SGK2: variants seen among roughly 807,000 people sequenced by gnomAD.
The protein encoded by SGK2 is serine/threonine-protein kinase Sgk2.
SGK2 carries 36 observed loss-of-function variants against 47.5 expected under a neutral mutation model. The ratio of observed to expected loss-of-function variants is 0.76; its 90% CI spans 0.58 to 1.00. The LOEUF is 1.00. Among genes scored for constraint, SGK2 ranks in the 50% least tolerant of loss-of-function variants. The pLI is 0.00. For missense variants in SGK2, 404 were observed against 467.4 expected (o/e 0.86, Z 1.25); for synonymous variants, 157 against 181.9 (o/e 0.86, Z 1.10).
At chr20:43,582,217 A>G (rs2145560747) in intron 12 of SGK2, among the ~76,000 whole-genome samples, 1 of 150,996 alleles carries the variant, frequency 6.6e-6, no homozygotes, top group African/African-American at 2.4e-5. Context: ...GTGCCACCAC[A>G]CCTAGCTAAT....
chr20:43,564,550 AACAC>A (rs1193332549), intron 1 of SGK2, among the ~76,000 whole-genome samples: 1 of 152,170 alleles, frequency 6.6e-6, no homozygotes. Flanking sequence ...CACCACTATG[AACAC>A]ACACAATGAC....
At chr20:43,584,716 G>A in intron 12 of SGK2, 136 bp from the exon 13 acceptor site, 1 of 690,690 alleles carries the variant, frequency 1.4e-6, no homozygotes, top group Non-Finnish European at 2.5e-6. Context: ...AAATGCACAG[G>A]AAAGTGACAG....
rs1182354812 is a variant in SGK2, at chr20:43,572,046, C to T, written c.511-5C>T. 3.9e-6 allele frequency: 6 copies of T among 1,547,136 alleles called. No individual in the cohort carries two copies. The highest frequency in any genetic ancestry group is 5.2e-6 in the Non-Finnish European group (6 of 1,144,738). On this transcript the variant is annotated splice_polypyrimidine_tract_variant and splice_region_variant and intron_variant, in intron 8 of 12. Transcript: ENST00000373100. The surrounding 1 kb of genome is among the most constrained non-coding windows in gnomAD (Gnocchi z 4.2). ...CCTCCAGCCCATGCCCTCCGTCATT[C>T]TCAGGGACACGTGGTGCTGACGGAT...
intron 11 of SGK2, among the ~76,000 whole-genome samples, chr20:43,578,536 C>T (rs1352193071): frequency 6.6e-6 from 1 of 152,134 alleles, no homozygotes; most frequent in African/African-American, 2.4e-5. Context: ...CTGGGTTCAG[C>T]AGATCCCTCC....
At chr20:43,576,812 G>T (rs888998216) in intron 11 of SGK2, among the ~76,000 whole-genome samples, 2 of 152,192 alleles carry the variant, frequency 1.3e-5, no homozygotes, top group African/African-American at 4.8e-5. Flanking sequence ...CATGGTGTTG[G>T]GCACCTGTAA....
intron 11 of SGK2, among the ~76,000 whole-genome samples, chr20:43,577,594 C>T (rs1401087558): frequency 6.6e-6 from 1 of 150,710 alleles, no homozygotes; most frequent in Non-Finnish European, 1.5e-5. Flanking sequence ...TGTGATCCGC[C>T]CACCTTGGCC....
In SGK2 at chr20:43,568,977, G is replaced by A. The variant is rs73272176; in HGVS notation, c.229-408G>A. 8.8e-3 allele frequency among the ~76,000 whole-genome samples: 1,334 copies of A among 152,248 alleles called. 24 individuals carry two copies. The highest frequency in any genetic ancestry group is 0.03 in the African/African-American group (1,260 of 41,532). ...AGCGGTGCAGCTGGCCTTGATGGTG[G>A]GATTCTGATGGTCTGAAAAGAGGGT... On this transcript the variant is annotated intron_variant, in intron 5 of 12. Coordinates refer to ENST00000373100, the MANE Select transcript of SGK2 (RefSeq NM_170693.3).
At chr20:43,569,210 G>C (rs1450906942) in intron 5 of SGK2, among the ~76,000 whole-genome samples, 175 bp from the exon 6 acceptor site, 1 of 152,106 alleles carries the variant, frequency 6.6e-6, no homozygotes, top group Non-Finnish European at 1.5e-5. Flanking sequence ...GAATACTAAG[G>C]AAGGAACTTG....
chr20:43,575,005 G>A lies in SGK2; in HGVS notation c.693+1G>A, dbSNP rs752520347. ...CCTCTACGAGATGCTCCATGGCCTG[G>A]TGAGTCAGGGGTAGCCATCTACAAG... On this transcript the variant is annotated splice_donor_variant, in intron 10 of 12. Coordinates refer to ENST00000373100, the MANE Select transcript of SGK2 (RefSeq NM_170693.3). LOFTEE classifies it high-confidence loss of function. 5.6e-6 allele frequency: 9 copies of A among 1,610,374 alleles called. No homozygotes were observed. Among genetic ancestry groups the A allele is most frequent in the Non-Finnish European group, 7.6e-6 (9 of 1,176,894 alleles).
rs117254857 is a variant in SGK2, at chr20:43,568,253, T to C, written c.228+254T>C. Among the ~76,000 whole-genome samples, 244 of 152,312 alleles carry C rather than the reference T, an allele frequency of 1.6e-3. 3 individuals carry two copies. In the East Asian group the frequency reaches 0.036, roughly 22 times the overall value. ...CCCCTGGGAAACACAGGCTCCACGA[T>C]GGACAAGTCTTCTGCCTGCTCCAAG... On this transcript the variant is annotated intron_variant, in intron 5 of 12. Transcript: ENST00000373100.
At chr20:43,566,238 C>G (rs1979699187) in intron 1 of SGK2, 1 of 1,180,210 alleles carries the variant, frequency 8.5e-7, no homozygotes, top group Non-Finnish European at 1.2e-6. Flanking sequence ...GGGCCACACC[C>G]TGACCATCCC....
At chr20:43,570,947 AC>A (rs1980072818) in intron 7 of SGK2, 76 bp from the exon 8 acceptor site, 3 of 1,605,948 alleles carry the variant, frequency 1.9e-6, no homozygotes, top group Non-Finnish European at 1.7e-6. Context: ...TGCCAGGACC[AC>A]CCCCCGCCCA....
intron 9 of SGK2, 78 bp from the exon 10 acceptor site, chr20:43,574,831 C>T: frequency 9.8e-7 from 1 of 1,016,118 alleles, no homozygotes; most frequent in South Asian, 1.3e-5. Context: ...TGGTCATCTT[C>T]CTCCAAGTGC....
At chr20:43,568,145 G>A (rs927203934) in intron 5 of SGK2, 146 bp downstream of exon 5, 11 of 635,804 alleles carry the variant, frequency 1.7e-5, no homozygotes, top group East Asian at 2.8e-5. Flanking sequence ...GAGGTGGTAC[G>A]CAGGATGCTG....
intron 1 of SGK2, among the ~76,000 whole-genome samples, chr20:43,564,540 C>A (rs1448202484): frequency 6.6e-6 from 1 of 152,174 alleles, no homozygotes; most frequent in Non-Finnish European, 1.5e-5. Context: ...CACTGATATA[C>A]ACCACTATGA....
chr20:43,566,269 T>G (rs1026693566), intron 1 of SGK2: 1 of 1,428,526 alleles, frequency 7.0e-7, no homozygotes, highest in African/African-American at 1.4e-5. Context: ...TTCTGAGATG[T>G]TTGTTAGGAA....
intron 12 of SGK2, among the ~76,000 whole-genome samples, chr20:43,581,143 G>A (rs1046589414): frequency 6.6e-6 from 1 of 152,126 alleles, no homozygotes; most frequent in African/African-American, 2.4e-5. Flanking sequence ...CCAAAGTGCT[G>A]GGATTACAGG....
chr20:43,566,451 C>A, intron 1 of SGK2, 22 bp from the exon 2 acceptor site: 1 of 1,614,120 alleles, frequency 6.2e-7, no homozygotes, highest in South Asian at 1.1e-5. Flanking sequence ...TCTCTCATGC[C>A]TGCTCCTCCC....
intron 2 of SGK2, 63 bp from the exon 3 acceptor site, chr20:43,567,005 C>T: frequency 7.3e-7 from 1 of 1,376,282 alleles, no homozygotes; most frequent in Non-Finnish European, 1.0e-6. Context: ...AGGGCCTGGG[C>T]CAGGAGAAAG....
Sources: gnomAD v4.1 joint callset for allele counts (sites outside exome capture counted in the v4.1 genomes callset) on GRCh38, gnomAD v4.1.1 for gene constraint, Gnocchi (gnomAD v3.1) non-coding constraint, MANE v1.5 for transcripts, NCBI Gene and HGNC (gene_info 2026-07-23, HGNC 2026-07-21) for gene names.